Variants in PPP2R5C observed in about 807,000 individuals in gnomAD.
PPP2R5C encodes protein phosphatase 2 regulatory subunit B'gamma.
A neutral mutation model predicts 68.9 loss-of-function variants in PPP2R5C; 7 were observed. The observed-to-expected ratio is 0.10, with a 90% CI of 0.06 to 0.19. PPP2R5C has a LOEUF of 0.19. PPP2R5C is among the 10% of genes least tolerant of loss of function. The pLI, the probability that PPP2R5C is intolerant of heterozygous loss-of-function variation, is 1.00. For missense variants in PPP2R5C, 348 were observed against 641.3 expected (o/e 0.54, Z 4.94); for synonymous variants, 210 against 222.2 (o/e 0.95, Z 0.49).
intron 2 of PPP2R5C, among the ~76,000 whole-genome samples, chr14:101,880,932 T>C (rs1465359633): frequency 6.6e-6 from 1 of 151,988 alleles, no homozygotes; most frequent in Admixed American, 6.6e-5. Context: ...TATCGTAGAG[T>C]CAGATTTTAA....
intron 2 of PPP2R5C, among the ~76,000 whole-genome samples, chr14:101,780,583 A>T (rs1351389852): frequency 6.6e-6 from 1 of 152,040 alleles, no homozygotes. Flanking sequence ...ACCTCCTGCC[A>T]TTCCCCCACG....
At chr14:101,923,242 T>C (rs976698019) in intron 13 of PPP2R5C, among the ~76,000 whole-genome samples, 25 of 152,236 alleles carry the variant, frequency 1.6e-4, no homozygotes, top group Non-Finnish European at 2.9e-4. Context: ...GGCCCAGATA[T>C]ATCCACCGGT....
At chr14:101,863,853 G>A (rs2042903473) in intron 2 of PPP2R5C, among the ~76,000 whole-genome samples, 1 of 152,056 alleles carries the variant, frequency 6.6e-6, no homozygotes, top group South Asian at 2.1e-4. Context: ...AGCCAAGATC[G>A]CACCACTGCA....
At chr14:101,805,662 G>A (rs988665321), upstream of PPP2R5C, among the ~76,000 whole-genome samples, 5 of 152,178 alleles carry the variant, frequency 3.3e-5, no homozygotes, top group Non-Finnish European at 7.4e-5. Context: ...CCAAATGTCC[G>A]TAAACAGGGA....
chr14:101,861,262 T>G (rs1427132017), intron 2 of PPP2R5C, among the ~76,000 whole-genome samples: 2 of 152,226 alleles, frequency 1.3e-5, no homozygotes, highest in Non-Finnish European at 2.9e-5. Flanking sequence ...TCAAGCCTCT[T>G]AGAGCCTACA....
chr14:101,768,199 C>T (rs898194889), intron 2 of PPP2R5C, among the ~76,000 whole-genome samples: 5 of 152,182 alleles, frequency 3.3e-5, no homozygotes, highest in Non-Finnish European at 5.9e-5. Context: ...AGGATCAAAT[C>T]GCCCCCTGTT....
Position 101,916,397 on chromosome 14 carries a change from G to A in PPP2R5C, c.1327-1434G>A, listed in dbSNP as rs2046670873. Among the ~76,000 whole-genome samples, 1 of 152,192 alleles carries A rather than the reference G, an allele frequency of 6.6e-6. No individual in the cohort carries two copies. The highest frequency in any genetic ancestry group is 2.4e-5 in the African/African-American group (1 of 41,436). ...TGGGCCTGGAGGCATGGAAGCCAGG[G>A]TGAATAAGGAGGGACAGAGGGTGTG... is the stretch of plus-strand genomic sequence containing the variant. On this transcript the variant is annotated intron_variant, in intron 12 of 13. Transcript: ENST00000334743. This position sits in a 1 kb window ranked among gnomAD's most constrained non-coding sequence, Gnocchi z 5.5.
chr14:101,802,505 G>A lies in PPP2R5C; in HGVS notation c.259+16322G>A, dbSNP rs74694021. 2.4e-4 allele frequency among the ~76,000 whole-genome samples: 36 copies of A among 152,194 alleles called. No individual in the cohort carries two copies. In the East Asian group the frequency reaches 6.8e-3, roughly 29 times the overall value. Reference sequence around the variant, plus strand: ...AAATGGATCAAACACCTAAACCTAAGAGTAAAACTATAATGTTTGAGGAGA... The same window carrying A: ...AAATGGATCAAACACCTAAACCTAAAAGTAAAACTATAATGTTTGAGGAGA... On this transcript the variant is annotated intron_variant, in intron 3 of 14. Transcript: ENST00000328724.
chr14:101,866,770 A>C (rs1307439993), intron 2 of PPP2R5C, among the ~76,000 whole-genome samples: 1 of 152,152 alleles, frequency 6.6e-6, no homozygotes, highest in Non-Finnish European at 1.5e-5. Context: ...CTTTTACTAT[A>C]CACTTTTGTA....
At chr14:101,806,266 C>G (rs887353830), upstream of PPP2R5C, among the ~76,000 whole-genome samples, 1 of 151,370 alleles carries the variant, frequency 6.6e-6, no homozygotes, top group Non-Finnish European at 1.5e-5. Context: ...CCCTGTCCCC[C>G]ACCCCCCGAC....
chr14:101,843,317 AT>A (rs1359779596), intron 1 of PPP2R5C: 1 of 170,048 alleles, frequency 5.9e-6, no homozygotes. Context: ...CTCATTCTGC[AT>A]TATAAAAAGG....
exon 3 of PPP2R5C, chr14:101,786,150 A>G (rs1384030712): frequency 7.0e-6 from 11 of 1,578,086 alleles, no homozygotes; most frequent in African/African-American, 1.4e-5. Flanking sequence ...CGCAAGCAAT[A>G]ATAGAGAACT....
At chr14:101,869,159 CTT>C (rs1259146149) in intron 2 of PPP2R5C, among the ~76,000 whole-genome samples, 1 of 152,206 alleles carries the variant, frequency 6.6e-6, no homozygotes, top group African/African-American at 2.4e-5. Flanking sequence ...ATCATTTTGT[CTT>C]TTCCAGAATG....
chr14:101,831,676 G>C (rs1384066396), intron 1 of PPP2R5C: 1 of 687,962 alleles, frequency 1.5e-6, no homozygotes, highest in Non-Finnish European at 2.7e-6. Flanking sequence ...CCACTTATAT[G>C]TGGATTTTTT....
intron 1 of PPP2R5C, among the ~76,000 whole-genome samples, chr14:101,849,445 C>G (rs1260566318): frequency 1.3e-5 from 2 of 152,168 alleles, no homozygotes; most frequent in African/African-American, 2.4e-5. Flanking sequence ...AGTGACGAGC[C>G]CTTCATACGT....
intron 3 of PPP2R5C, among the ~76,000 whole-genome samples, chr14:101,793,705 T>C (rs1296818262): frequency 1.3e-5 from 2 of 152,172 alleles, no homozygotes; most frequent in African/African-American, 4.8e-5. Context: ...GGGACAACCT[T>C]TTACACCCAT....
chr14:101,800,910 T>G (rs997815471), intron 3 of PPP2R5C, among the ~76,000 whole-genome samples: 1 of 152,180 alleles, frequency 6.6e-6, no homozygotes, highest in Non-Finnish European at 1.5e-5. Context: ...TAGAAACCTG[T>G]CATTTGCAGC....
intron 5 of PPP2R5C, among the ~76,000 whole-genome samples, chr14:101,886,691 A>C (rs1348188421): frequency 1.3e-5 from 2 of 152,086 alleles, no homozygotes; most frequent in Non-Finnish European, 2.9e-5. Flanking sequence ...TGAGAGTTGC[A>C]TTCAGCTCAT....
At chr14:101,819,262 A>C in intron 1 of PPP2R5C, 1 of 600,280 alleles carries the variant, frequency 1.7e-6, no homozygotes, top group Admixed American at 2.9e-5. Context: ...AAGCCTTTGC[A>C]TGGAGCAGTG....
Sources: allele counts gnomAD v4.1 joint callset (sites outside exome capture counted in the v4.1 genomes callset), GRCh38; gene constraint gnomAD v4.1.1; non-coding constraint Gnocchi (gnomAD v3.1); transcripts MANE v1.5; gene names NCBI Gene and HGNC (gene_info 2026-07-23, HGNC 2026-07-21).